The following TMPRSS15 variants were observed in gnomAD, a reference collection of about 807,000 sequenced individuals.
TMPRSS15 encodes the protein transmembrane serine protease 15.
TMPRSS15 carries 128 observed loss-of-function variants against 125.3 expected under a neutral mutation model. That is an observed-to-expected ratio of 1.02 (90% CI 0.89 to 1.18). The LOEUF is 1.18. Ranked by LOEUF, TMPRSS15 falls within the 50% of genes most tolerant of loss-of-function variation. TMPRSS15 has a pLI of 0.00. For synonymous variants in TMPRSS15, 446 were observed against 423.2 expected (o/e 1.05, Z -0.66); for missense variants, 1,283 against 1,212.7 (o/e 1.06, Z -0.86).
At chr21:18,375,960 C>T (rs976490076) in intron 5 of TMPRSS15, among the ~76,000 whole-genome samples, 3 of 152,056 alleles carry the variant, frequency 2.0e-5, no homozygotes, top group African/African-American at 7.2e-5. Flanking sequence ...AAATTGAAAC[C>T]ATGGTTTGGA....
At chr21:18,316,527 C>G (rs563161760) in intron 16 of TMPRSS15, among the ~76,000 whole-genome samples, 4 of 152,058 alleles carry the variant, frequency 2.6e-5, no homozygotes, top group South Asian at 2.1e-4. Context: ...TTTGCCGTAT[C>G]GGTAATGTGA....
chr21:18,287,391 C>A (rs2074778123), intron 21 of TMPRSS15, among the ~76,000 whole-genome samples: 1 of 152,126 alleles, frequency 6.6e-6, no homozygotes, highest in Non-Finnish European at 1.5e-5. Flanking sequence ...TTCTCCCACC[C>A]CACCCAGCTC....
At chr21:18,367,747 G>C (rs1211332133) in intron 6 of TMPRSS15, among the ~76,000 whole-genome samples, 1 of 152,120 alleles carries the variant, frequency 6.6e-6, no homozygotes, top group Non-Finnish European at 1.5e-5. Context: ...TATTATATAT[G>C]TATGAATGTA....
chr21:18,427,163 G>C (rs1024823259), intron 1 of TMPRSS15, among the ~76,000 whole-genome samples: 2 of 152,214 alleles, frequency 1.3e-5, no homozygotes, highest in African/African-American at 4.8e-5. Flanking sequence ...TCTGAGAACA[G>C]ATTCACTTCT....
intron 1 of TMPRSS15, among the ~76,000 whole-genome samples, chr21:18,467,311 A>C (rs1462994297): frequency 6.6e-6 from 1 of 152,002 alleles, no homozygotes; most frequent in African/African-American, 2.4e-5. Context: ...AATGTAGATG[A>C]TGGGTTGATG....
chr21:18,331,403 T>C (rs1436480893), intron 14 of TMPRSS15, among the ~76,000 whole-genome samples: 1 of 152,216 alleles, frequency 6.6e-6, no homozygotes, highest in Non-Finnish European at 1.5e-5. Context: ...GGAACCTTTG[T>C]AGGATGGGCT....
At chr21:18,301,441 TCAC>T (rs2074972022) in intron 18 of TMPRSS15, among the ~76,000 whole-genome samples, 1 of 152,182 alleles carries the variant, frequency 6.6e-6, no homozygotes, top group Non-Finnish European at 1.5e-5. Flanking sequence ...CTATGTGAAG[TCAC>T]CATTTACTTT....
chr21:18,394,385 G>T (rs1167816022), intron 3 of TMPRSS15, among the ~76,000 whole-genome samples: 1 of 152,030 alleles, frequency 6.6e-6, no homozygotes, highest in Non-Finnish European at 1.5e-5. Flanking sequence ...TATCACATTT[G>T]AAGAACTGAT....
At chr21:18,415,529 A>T (rs975526119) in intron 1 of TMPRSS15, among the ~76,000 whole-genome samples, 4 of 151,902 alleles carry the variant, frequency 2.6e-5, no homozygotes, top group Non-Finnish European at 4.4e-5. Context: ...GATTTTTGTG[A>T]GTGGTGTTAG....
At chr21:18,315,294 A>C (rs751975999) in intron 16 of TMPRSS15, 38 bp from the exon 17 acceptor site, 10 of 1,523,960 alleles carry the variant, frequency 6.6e-6, no homozygotes, top group Non-Finnish European at 8.2e-6. Flanking sequence ...GGATAAAGAA[A>C]ACACAAATGG....
chr21:18,379,649 G>T (rs953097663), intron 4 of TMPRSS15, among the ~76,000 whole-genome samples: 1 of 152,032 alleles, frequency 6.6e-6, no homozygotes. Flanking sequence ...AATGTTCCAG[G>T]TTAATTTGAT....
Position 18,433,663 on chromosome 21 carries a change from C to CAAAAAAAAA in TMPRSS15, c.11-35343_11-35335dup, listed in dbSNP as rs58432155. Among the ~76,000 whole-genome samples the CAAAAAAAAA allele has an allele frequency of 3.7e-3, 232 of 62,370 alleles. 5 individuals are homozygous for CAAAAAAAAA. The highest frequency in any genetic ancestry group is 0.011 in the Middle Eastern group (1 of 90). The allele number at this position is 62,370 out of a possible 152,430, so 40.9% of individuals were successfully genotyped here. ...TGGGTGAGAAAGTAAGACCTTGTCTCAAAAAAAAAAAAAAAAAAAAAAAGA... is the reference window on the plus strand; with the variant it reads ...TGGGTGAGAAAGTAAGACCTTGTCTCAAAAAAAAAAAAAAAAAAAAAAAAAAAAAAAAGA... On this transcript the variant is annotated intron_variant, in intron 1 of 7. Coordinates refer to the TMPRSS15 transcript ENST00000422787.
At chr21:18,278,650 A>G (rs2074649948) in intron 23 of TMPRSS15, among the ~76,000 whole-genome samples, 1 of 152,118 alleles carries the variant, frequency 6.6e-6, no homozygotes, top group Middle Eastern at 3.2e-3. Context: ...TGAACCCGGG[A>G]GGTGGAGTTT....
intron 1 of TMPRSS15, among the ~76,000 whole-genome samples, chr21:18,424,307 C>T (rs1314036811): frequency 6.6e-6 from 1 of 152,178 alleles, no homozygotes; most frequent in Non-Finnish European, 1.5e-5. Flanking sequence ...GAATATCTTG[C>T]TTAAACTCCA....
At chr21:18,321,043 C>G (rs965865436) in intron 16 of TMPRSS15, among the ~76,000 whole-genome samples, 1 of 152,146 alleles carries the variant, frequency 6.6e-6, no homozygotes, top group African/African-American at 2.4e-5. Flanking sequence ...CTGGGGAGGG[C>G]TCAAACCCCC....
At chr21:18,375,497 A>G (rs942401258) in intron 5 of TMPRSS15, among the ~76,000 whole-genome samples, 1 of 152,190 alleles carries the variant, frequency 6.6e-6, no homozygotes, top group Non-Finnish European at 1.5e-5. Context: ...TTAGGAAAGG[A>G]GTTTATCAAT....
chr21:18,425,520 T>A (rs2076200822), intron 1 of TMPRSS15, among the ~76,000 whole-genome samples: 1 of 152,170 alleles, frequency 6.6e-6, no homozygotes, highest in Non-Finnish European at 1.5e-5. Context: ...TCTCTATTGC[T>A]GGAGAAATAA....
chr21:18,362,121 G>A (rs2075684422), intron 7 of TMPRSS15, among the ~76,000 whole-genome samples: 1 of 152,138 alleles, frequency 6.6e-6, no homozygotes, highest in Non-Finnish European at 1.5e-5. Context: ...CAAGGTGAGA[G>A]AGCAGAAGAT....
intron 23 of TMPRSS15, among the ~76,000 whole-genome samples, chr21:18,276,709 G>A (rs1196716429): frequency 6.6e-6 from 1 of 150,376 alleles, no homozygotes; most frequent in Non-Finnish European, 1.5e-5. Context: ...GGTTTTCCTA[G>A]CTAATCAATT....
Sources: gnomAD v4.1 joint callset for allele counts (sites outside exome capture counted in the v4.1 genomes callset) on GRCh38, gnomAD v4.1.1 for gene constraint, MANE v1.5 for transcripts, NCBI Gene and HGNC (gene_info 2026-07-23, HGNC 2026-07-21) for gene names.